Variants in SLC28A2 observed in about 807,000 individuals in gnomAD.
The protein encoded by SLC28A2 is sodium/nucleoside cotransporter 2.
A neutral mutation model predicts 72.9 loss-of-function variants in SLC28A2; 69 were observed. The observed-to-expected ratio is 0.95, with a 90% CI of 0.78 to 1.16. The LOEUF is 1.16. Among genes scored for constraint, SLC28A2 ranks in the 50% most tolerant of loss-of-function variants. The probability of loss-of-function intolerance (pLI) is 0.00; values close to 1 mark genes in which losing one functional copy is unlikely to be tolerated. For synonymous variants in SLC28A2, 296 were observed against 294.1 expected, an observed-to-expected ratio of 1.01 and a Z score of -0.07; for missense variants, 745 against 791.1, an observed-to-expected ratio of 0.94 and a Z score of 0.70.
chr15:45,253,346 G>C (rs1279056735), intron 2 of SLC28A2, 50 bp downstream of exon 2: 1 of 1,553,346 alleles, frequency 6.4e-7, no homozygotes, highest in Non-Finnish European at 8.9e-7. Context: ...TGCTGCATGG[G>C]CTCCTGTAGG....
chr15:45,267,532 G>T lies in SLC28A2; in HGVS notation c.1020G>T (p.Gly340=), dbSNP rs942368586. The part of the protein sequence containing the change: ...LSEIHAVMTG[G]FATISGTVLG... The stretch of plus-strand genomic sequence containing the variant: ...AAATCCATGCGGTGATGACTGGAGG[G>T]TTTGCCACCATTTCTGGCACTGTGC... Residue 340 remains glycine (G), a synonymous_variant, in exon 11 of 18, where the codon GGG becomes GGT. Coordinates refer to ENST00000347644, the MANE Select transcript of SLC28A2 (RefSeq NM_004212.4). 16 of 1,614,120 alleles carry T rather than the reference G, an allele frequency of 9.9e-6. No individual in the cohort carries two copies. The highest frequency in any genetic ancestry group is 1.4e-5 in the Non-Finnish European group (16 of 1,180,002).
At position 45,269,403 on chromosome 15, in the gene SLC28A2, A is replaced by C; in HGVS notation, c.1434A>C (p.Pro478=). 6.2e-7 allele frequency: 1 copy of C among 1,614,132 alleles called. No homozygotes were observed. Among genetic ancestry groups the C allele is most frequent in the Non-Finnish European group, 8.5e-7 (1 of 1,179,988 alleles). ...TGGGTGTAGAGTGGACAGACTGTCC[A>C]ATGGTGGCTGAGATGGTGGGAATCA... ...FMMGVEWTDC[P]MVAEMVGIKF... is the part of the protein sequence containing the mutation. Residue 478 remains proline (P), a synonymous_variant, in exon 14 of 18, where the codon CCA becomes CCC. Transcript: ENST00000347644.
Position 45,263,938 on chromosome 15 carries a change from C to T in SLC28A2, c.504C>T (p.Ala168=). ...TACTGTGGTTGGCTTTAGACACAGC[C>T]CAAAGGCCAGAGCAGCTGATCCCCT... ...GLILWLALDT[A]QRPEQLIPFA... is the part of the protein sequence containing the mutation. The change falls in exon 6 of 18, where the codon GCC becomes GCT. Residue 168 remains alanine (A), a synonymous_variant. Transcript: ENST00000347644. 1 of 1,613,560 alleles carries T rather than the reference C, an allele frequency of 6.2e-7. No homozygotes were observed. The highest frequency in any genetic ancestry group is 8.5e-7 in the Non-Finnish European group (1 of 1,179,728).
At position 45,252,759 on chromosome 15, in the gene SLC28A2, G is replaced by A. The variant is rs1010877722; in HGVS notation, c.-16-441G>A. Among the ~76,000 whole-genome samples the A allele has an allele frequency of 7.9e-5, 12 of 152,202 alleles. No homozygotes were observed. In the South Asian group the frequency reaches 2.5e-3, roughly 32 times the overall value. On this transcript the variant is annotated intron_variant, in intron 1 of 17. Coordinates refer to ENST00000347644, the MANE Select transcript of SLC28A2 (RefSeq NM_004212.4). ...TGTTATCTGTTCAGCAATACTTTAG[G>A]GTCCGGGTCTTCCCAACTGCCTTCC...
chr15:45,263,203 G>GA lies in SLC28A2; in HGVS notation c.407dup (p.Pro137AlafsTer3). Reference sequence around the variant, plus strand: ...TGGGCAAAAAATTAACAAGATGTCTGAAGCCCTTTGAAAACTCCCGCCTGA... The same window carrying GA: ...TGGGCAAAAAATTAACAAGATGTCTGAAAGCCCTTTGAAAACTCCCGCCTGA... On this transcript the variant is annotated frameshift_variant, in exon 5 of 18. Coordinates refer to ENST00000347644, the MANE Select transcript of SLC28A2 (RefSeq NM_004212.4). LOFTEE classifies it high-confidence loss of function. 6.2e-7 allele frequency: 1 copy of GA among 1,614,010 alleles called. No homozygotes were observed. Among genetic ancestry groups the GA allele is most frequent in the Non-Finnish European group, 8.5e-7 (1 of 1,179,952 alleles).
intron 12 of SLC28A2, among the ~76,000 whole-genome samples, 196 bp downstream of exon 12, chr15:45,267,992 G>C (rs1436384553): frequency 6.6e-6 from 1 of 152,114 alleles, no homozygotes; most frequent in Non-Finnish European, 1.5e-5. Flanking sequence ...CTGCATGCCA[G>C]TACCCTCTGT....
chr15:45,256,510 C>T (rs1595670928), intron 3 of SLC28A2, among the ~76,000 whole-genome samples: 3 of 151,984 alleles, frequency 2.0e-5, no homozygotes, highest in Admixed American at 2.0e-4. Flanking sequence ...CGGGTTCAAG[C>T]GATTCTCCTG....
At chr15:45,258,256 T>A (rs1350729220) in intron 3 of SLC28A2, among the ~76,000 whole-genome samples, 1 of 113,434 alleles carries the variant, frequency 8.8e-6, no homozygotes, top group East Asian at 1.9e-4. Context: ...TTTGTCAAAT[T>A]TTATTTTATT....
chr15:45,253,759 C>A, intron 3 of SLC28A2: 1 of 376,616 alleles, frequency 2.7e-6, no homozygotes. Context: ...TAATGGCTAA[C>A]AGATTTTGAG....
rs377105928 is a variant in SLC28A2 at position 45,269,417 on chromosome 15, T to C, written c.1448T>C (p.Met483Thr). The C allele has an allele frequency of 3.1e-6, 5 of 1,613,918 alleles. No individual in the cohort carries two copies. Among genetic ancestry groups the C allele is most frequent in the Non-Finnish European group, 4.2e-6 (5 of 1,179,966 alleles). Residue 483 changes from methionine (M) to threonine (T), a missense_variant, in exon 14 of 18, where the codon ATG (methionine) becomes ACG (threonine). Physicochemically the swap from Met to Thr is moderately conservative, Grantham distance 81. Transcript: ENST00000347644. ...ACAGACTGTCCAATGGTGGCTGAGATGGTGGGAATCAAGTTCTTCATAAAT... is the reference window on the plus strand; with the variant it reads ...ACAGACTGTCCAATGGTGGCTGAGACGGTGGGAATCAAGTTCTTCATAAAT... Reference protein sequence around the residue: ...EWTDCPMVAEMVGIKFFINEF... With the variant: ...EWTDCPMVAETVGIKFFINEF...
chr15:45,258,425 G>A (rs1365401224), intron 3 of SLC28A2, among the ~76,000 whole-genome samples: 1 of 151,920 alleles, frequency 6.6e-6, no homozygotes, highest in African/African-American at 2.4e-5. Flanking sequence ...ACAACCATAT[G>A]ACCATCGACC....
intron 16 of SLC28A2, 55 bp from the exon 17 acceptor site, chr15:45,272,618 C>G: frequency 9.5e-7 from 1 of 1,051,014 alleles, no homozygotes; most frequent in Non-Finnish European, 1.5e-6. Context: ...GAATAAAGAG[C>G]CTTGAGAAGC....
Position 45,263,169 on chromosome 15 carries a change from A to C in SLC28A2, c.371A>C (p.Lys124Thr), listed in dbSNP as rs1044541580. The C allele has an allele frequency of 1.9e-6, 3 of 1,614,026 alleles. No individual in the cohort carries two copies. Among genetic ancestry groups the C allele is most frequent in the Non-Finnish European group, 2.5e-6 (3 of 1,179,972 alleles). ...TTTGTCCTGGTTCACTCGTTTTTGA[A>C]AAAGCTCCTGGGCAAAAAATTAACA... ...VIFVLVHSFL[K>T]KLLGKKLTRC... is the part of the protein sequence containing the mutation. Residue 124 changes from lysine to threonine, a missense_variant, in exon 5 of 18, where the codon AAA (lysine) becomes ACA (threonine). Transcript: ENST00000347644.
At chr15:45,269,797 G>T (rs1900488583) in intron 14 of SLC28A2, among the ~76,000 whole-genome samples, 1 of 152,186 alleles carries the variant, frequency 6.6e-6, no homozygotes, top group African/African-American at 2.4e-5. Flanking sequence ...TAATGTAATT[G>T]CTGGGTCTTT....
In SLC28A2 at chr15:45,276,780, T is replaced by C. The variant is rs1263959592; in HGVS notation, c.*1267T>C. On this transcript the variant is annotated 3_prime_UTR_variant, in exon 18 of 18. Coordinates refer to ENST00000347644, the MANE Select transcript of SLC28A2 (RefSeq NM_004212.4). ...TGAATATTTAATGATAAGATTTTTC[T>C]GGTTGTCAAACATTTGTAAATCTGC... The C allele has an allele frequency of 6.6e-6, 1 of 152,238 alleles. No individual in the cohort carries two copies. The highest frequency in any genetic ancestry group is 1.5e-5 in the Non-Finnish European group (1 of 68,048). 9.4% of individuals were successfully genotyped at this position (152,238 alleles called of 1,614,324 possible).
intron 13 of SLC28A2, 50 bp downstream of exon 13, chr15:45,268,428 C>G (rs773384281): frequency 6.8e-7 from 1 of 1,477,344 alleles, no homozygotes; most frequent in South Asian, 1.3e-5. Flanking sequence ...GGTTAGGTAG[C>G]CCTTCAAACA....
intron 5 of SLC28A2, 150 bp from the exon 6 acceptor site, chr15:45,263,731 T>A: frequency 6.5e-6 from 4 of 614,712 alleles, no homozygotes; most frequent in Admixed American, 3.5e-5. Flanking sequence ...TATTCTGAAC[T>A]GGCGTCTACA....
In SLC28A2 at chr15:45,266,073, T is replaced by C; in HGVS notation, c.862-8T>C. On this transcript the variant is annotated splice_polypyrimidine_tract_variant and splice_region_variant and intron_variant, in intron 9 of 17. Transcript: ENST00000347644. ...ACATTAATGGTTTAGGTTTCTGTAT[T>C]CTTCTAGGTCGCCTGGTTTTTACAA... is the stretch of plus-strand genomic sequence containing the variant. 6.2e-7 allele frequency: 1 copy of C among 1,601,536 alleles called. No individual in the cohort carries two copies. Among genetic ancestry groups the C allele is most frequent in the Admixed American group, 1.7e-5 (1 of 59,966 alleles).
intron 15 of SLC28A2, among the ~76,000 whole-genome samples, chr15:45,271,577 A>AAGG (rs1900570898): frequency 7.7e-6 from 1 of 130,278 alleles, no homozygotes; most frequent in Non-Finnish European, 1.6e-5. Context: ...AAAAAGAAGA[A>AAGG]AAGGAAGGAA....
Sources: gnomAD v4.1 joint callset for allele counts (sites outside exome capture counted in the v4.1 genomes callset) on GRCh38, gnomAD v4.1.1 for gene constraint, MANE v1.5 for transcripts, NCBI Gene and HGNC (gene_info 2026-07-23, HGNC 2026-07-21) for gene names.